DYNC2I1: variants seen among roughly 807,000 people sequenced by gnomAD.
DYNC2I1 encodes dynein 2 intermediate chain 1, also known as cytoplasmic dynein 2 intermediate chain 1.
DYNC2I1 carries 89 observed loss-of-function variants against 133.4 expected under a neutral mutation model. The ratio of observed to expected loss-of-function variants is 0.67; its 90% CI spans 0.56 to 0.80. The LOEUF (loss-of-function observed/expected upper bound fraction) is 0.80. DYNC2I1 is among the 30% of genes least tolerant of loss of function. DYNC2I1 has a pLI of 0.00. For synonymous variants in DYNC2I1, 504 were observed against 484.3 expected, an observed-to-expected ratio of 1.04 and a Z score of -0.54; for missense variants, 1,291 against 1,314.5, an observed-to-expected ratio of 0.98 and a Z score of 0.28.
In DYNC2I1 at chr7:158,902,478, AAG is replaced by A. The variant is rs1191811021; in HGVS notation, c.1241_1242del (p.Lys414ArgfsTer10). ...KLEELPLAQKKEIQEIQRAIN... is the reference protein window; with the variant it reads ...KLEELPLAQKXEIQEIQRAIN... ...GGAAGAACTTCCTCTAGCTCAAAAA[AAG>A]GAAATACAAGAAATTCAAAGAGCTA... On this transcript the variant is annotated frameshift_variant, in exon 10 of 25. Coordinates refer to ENST00000407559, the MANE Select transcript of DYNC2I1 (RefSeq NM_018051.5). LOFTEE classifies it high-confidence loss of function. 5.0e-6 allele frequency: 8 copies of A among 1,614,034 alleles called. No individual in the cohort carries two copies. The highest frequency in any genetic ancestry group is 6.8e-6 in the Non-Finnish European group (8 of 1,179,886).
chr7:158,894,120 C>A (rs117675170), intron 8 of DYNC2I1, among the ~76,000 whole-genome samples: 4 of 75,616 alleles, frequency 5.3e-5, no homozygotes, highest in East Asian at 8.0e-4. Flanking sequence ...ACTGCATATC[C>A]TACCGCATAT....
chr7:158,866,366 G>C (rs901798577), intron 1 of DYNC2I1, among the ~76,000 whole-genome samples: 2 of 150,558 alleles, frequency 1.3e-5, no homozygotes, highest in African/African-American at 4.9e-5. Flanking sequence ...CTGTCCCTGA[G>C]TGTCCTGGGT....
At chr7:158,930,767 C>T (rs557179148) in intron 21 of DYNC2I1, among the ~76,000 whole-genome samples, 5 of 152,242 alleles carry the variant, frequency 3.3e-5, no homozygotes, top group Admixed American at 2.6e-4. Flanking sequence ...CTCCCTGGTT[C>T]AAGCGATTCT....
At chr7:158,856,533 A>C, upstream of DYNC2I1, 1 of 453,622 alleles carries the variant, frequency 2.2e-6, no homozygotes, top group Non-Finnish European at 3.6e-6. Flanking sequence ...AGGTGCTAAA[A>C]ATGCCGGGGA....
At chr7:158,887,164 G>C in intron 7 of DYNC2I1, 89 bp downstream of exon 7, 1 of 1,300,052 alleles carries the variant, frequency 7.7e-7, no homozygotes, top group Non-Finnish European at 1.1e-6. Context: ...TGAAACCAGA[G>C]GCCGAGACAG....
intron 23 of DYNC2I1, among the ~76,000 whole-genome samples, chr7:158,940,898 A>G (rs1851284474): frequency 6.6e-6 from 1 of 152,112 alleles, no homozygotes; most frequent in South Asian, 2.1e-4. Flanking sequence ...CTTCAAATAA[A>G]CAATGTAACA....
intron 4 of DYNC2I1, among the ~76,000 whole-genome samples, chr7:158,878,717 C>T (rs1208628037): frequency 2.1e-5 from 3 of 142,972 alleles, no homozygotes; most frequent in Non-Finnish European, 3.0e-5. Flanking sequence ...TGTGGGGAGG[C>T]GAGGAGGGCA....
At chr7:158,902,638 C>T in intron 10 of DYNC2I1, 43 bp downstream of exon 10, 1 of 1,566,520 alleles carries the variant, frequency 6.4e-7, no homozygotes. Flanking sequence ...GCTCTTAGGG[C>T]TCTGTGTACT....
chr7:158,932,912 C>G (rs762194486), intron 21 of DYNC2I1, among the ~76,000 whole-genome samples: 3 of 152,182 alleles, frequency 2.0e-5, no homozygotes, highest in Non-Finnish European at 4.4e-5. Flanking sequence ...TGGTTGGTGA[C>G]TGGGCACCAC....
intron 7 of DYNC2I1, among the ~76,000 whole-genome samples, chr7:158,889,382 C>T (rs1844958885): frequency 6.6e-6 from 1 of 151,938 alleles, no homozygotes; most frequent in African/African-American, 2.4e-5. Context: ...GTCTGGCCAC[C>T]CCTCCTGTTT....
At chr7:158,957,536 G>T (rs751717331), downstream of DYNC2I1, among the ~76,000 whole-genome samples, 2 of 152,238 alleles carry the variant, frequency 1.3e-5, no homozygotes, top group Non-Finnish European at 2.9e-5. Context: ...TCCCCAGCGC[G>T]GGCTCTACGC....
chr7:158,874,494 T>G (rs773609093), intron 3 of DYNC2I1, among the ~76,000 whole-genome samples: 1 of 152,252 alleles, frequency 6.6e-6, no homozygotes. Context: ...TCACCCTTTT[T>G]TGGCTGCCTG....
intron 14 of DYNC2I1, among the ~76,000 whole-genome samples, chr7:158,917,437 C>T (rs1310495087): frequency 2.0e-5 from 1 of 49,872 alleles, no homozygotes; most frequent in African/African-American, 9.9e-5. Flanking sequence ...CACCCTCCGC[C>T]TCTCGCTAAA....
At chr7:158,901,850 A>G in intron 9 of DYNC2I1, 34 bp downstream of exon 9, 13 of 1,427,848 alleles carry the variant, frequency 9.1e-6, no homozygotes, top group Non-Finnish European at 1.2e-5. Flanking sequence ...CCTTAGCTTA[A>G]AAATCATTTA....
At chr7:158,841,143 G>A in the DYNC2I1 span, among the ~76,000 whole-genome samples, 1 of 123,574 alleles carries the variant, frequency 8.1e-6, no homozygotes, top group African/African-American at 3.2e-5. Flanking sequence ...ATGTACCATA[G>A]ATTGTAGGTC....
At chr7:158,866,575 T>C (rs879755055) in intron 1 of DYNC2I1, among the ~76,000 whole-genome samples, 9 of 152,122 alleles carry the variant, frequency 5.9e-5, no homozygotes, top group Admixed American at 2.0e-4. Flanking sequence ...TAAACCTCTC[T>C]GTAGGAGTTA....
rs751377941 is a variant in DYNC2I1, at chr7:158,911,661, G to GA, written c.1580dup (p.Asn527LysfsTer10). On this transcript the variant is annotated frameshift_variant, in exon 12 of 25. Coordinates refer to ENST00000407559, the MANE Select transcript of DYNC2I1 (RefSeq NM_018051.5). LOFTEE classifies it high-confidence loss of function. ...ATGACATGTATATCAGAAACTTTGG[G>GA]AAAAAAAATACCAAGCAGGTAAGTA... 31 of 1,600,778 alleles carry GA rather than the reference G, an allele frequency of 1.9e-5. No individual in the cohort carries two copies. The highest frequency in any genetic ancestry group is 2.4e-5 in the Non-Finnish European group (28 of 1,175,780).
intron 10 of DYNC2I1, chr7:158,904,361 G>C (rs921307899): frequency 6.6e-6 from 1 of 152,214 alleles, no homozygotes; most frequent in African/African-American, 2.4e-5. Context: ...TGTGGTGCTT[G>C]GACTACTTGG....
intron 21 of DYNC2I1, among the ~76,000 whole-genome samples, chr7:158,931,436 A>G (rs1490638123): frequency 6.6e-6 from 1 of 152,212 alleles, no homozygotes; most frequent in Non-Finnish European, 1.5e-5. Flanking sequence ...AAGAGAATCA[A>G]TTATATTTTA....
Sources: gnomAD v4.1 joint callset for allele counts (sites outside exome capture counted in the v4.1 genomes callset) on GRCh38, gnomAD v4.1.1 for gene constraint, MANE v1.5 for transcripts, NCBI Gene and HGNC (gene_info 2026-07-23, HGNC 2026-07-21) for gene names.